Variants in ALDH1A2 observed in about 807,000 individuals in gnomAD.
ALDH1A2 encodes the protein retinal dehydrogenase 2.
A neutral mutation model predicts 60.3 loss-of-function variants in ALDH1A2; 27 were observed. The observed-to-expected ratio is 0.45, with a 90% CI of 0.33 to 0.62. The LOEUF (loss-of-function observed/expected upper bound fraction) is 0.62, where lower values mean the gene tolerates loss of function less well. Ranked by LOEUF, ALDH1A2 falls within the 20% of genes least tolerant of loss-of-function variation. ALDH1A2 has a pLI of 0.02. For missense variants in ALDH1A2, 581 were observed against 643.8 expected, an observed-to-expected ratio of 0.90 and a Z score of 1.06; for synonymous variants, 289 against 232.4, an observed-to-expected ratio of 1.24 and a Z score of -2.21.
intron 7 of ALDH1A2, among the ~76,000 whole-genome samples, chr15:57,970,808 T>A (rs1054141367): frequency 6.6e-6 from 1 of 152,232 alleles, no homozygotes; most frequent in Non-Finnish European, 1.5e-5. Context: ...TATCTTTTCA[T>A]AAATCCCAAA....
chr15:58,017,112 A>T (rs937706263), intron 1 of ALDH1A2, among the ~76,000 whole-genome samples: 36 of 152,294 alleles, frequency 2.4e-4, no homozygotes, highest in Non-Finnish European at 4.4e-4. Context: ...ATTCTGTCAG[A>T]CTTGAGAATC....
chr15:57,972,848 G>A (rs1417579305), intron 7 of ALDH1A2, among the ~76,000 whole-genome samples: 1 of 152,028 alleles, frequency 6.6e-6, no homozygotes, highest in African/African-American at 2.4e-5. Context: ...AGGCCTATTA[G>A]CTGTTTATAG....
chr15:58,017,917 T>C (rs1359627350), intron 1 of ALDH1A2, among the ~76,000 whole-genome samples: 1 of 152,178 alleles, frequency 6.6e-6, no homozygotes, highest in Non-Finnish European at 1.5e-5. Context: ...CATTATTATT[T>C]TTGTAGACCT....
intron 1 of ALDH1A2, among the ~76,000 whole-genome samples, chr15:58,049,727 G>A (rs530105769): frequency 6.6e-6 from 1 of 152,074 alleles, no homozygotes; most frequent in African/African-American, 2.4e-5. Context: ...ATGCAGGCTG[G>A]TTCAAACATG....
rs1413523842 is a variant in ALDH1A2 at position 57,954,725 on chromosome 15, G to A, written c.*472C>T. On this transcript the variant is annotated 3_prime_UTR_variant, in exon 13 of 13. Transcript: ENST00000249750. ...TTTGGCTTTACAACCTTGAAAAATT[G>A]TTCCCGGCCCAAACATCTGCCCCAG... 2 of 190,584 alleles carry A rather than the reference G, an allele frequency of 1.0e-5. No homozygotes were observed. The highest frequency in any genetic ancestry group is 2.2e-5 in the Non-Finnish European group (2 of 88,958). The allele number at this position is 190,584 out of a possible 1,614,324, so 11.8% of individuals were successfully genotyped here.
intron 1 of ALDH1A2, among the ~76,000 whole-genome samples, chr15:58,060,010 C>T (rs1303759308): frequency 6.6e-6 from 1 of 152,156 alleles, no homozygotes; most frequent in Admixed American, 6.5e-5. Flanking sequence ...GCAACCTCTG[C>T]CTCCTGGGTT....
chr15:57,991,733 T>A (rs1168590817), intron 7 of ALDH1A2: 2 of 152,246 alleles, frequency 1.3e-5, no homozygotes, highest in Admixed American at 6.5e-5. Context: ...TAATTTCACG[T>A]ATTTTTTAAT....
At chr15:58,006,944 G>T (rs925789516) in intron 4 of ALDH1A2, among the ~76,000 whole-genome samples, 2 of 150,354 alleles carry the variant, frequency 1.3e-5, no homozygotes, top group African/African-American at 4.9e-5. Context: ...TCACAATTTT[G>T]CTGTTTAAAA....
At chr15:57,956,136 T>C (rs1893517038) in intron 12 of ALDH1A2, among the ~76,000 whole-genome samples, 1 of 152,054 alleles carries the variant, frequency 6.6e-6, no homozygotes. Flanking sequence ...CTTTTTGCCT[T>C]CCACCAAACA....
In ALDH1A2 at chr15:58,058,738, G is replaced by T. The variant is rs957949561; in HGVS notation, c.117+6796C>A. On this transcript the variant is annotated intron_variant, in intron 1 of 12. Transcript: ENST00000249750. ...AGAAATACTACTTTGGCTCTCCAAA[G>T]GTCAGACAGTGATGAGGAAGGGAAA... Among the ~76,000 whole-genome samples the T allele has an allele frequency of 2.6e-5, 4 of 152,128 alleles. 1 individual carries two copies. The highest frequency in any genetic ancestry group is 9.7e-5 in the African/African-American group (4 of 41,418).
intron 1 of ALDH1A2, among the ~76,000 whole-genome samples, chr15:58,026,251 C>A (rs1210845227): frequency 6.6e-6 from 1 of 152,072 alleles, no homozygotes; most frequent in African/African-American, 2.4e-5. Flanking sequence ...GGATTTTTAC[C>A]AGGAATGCAA....
At chr15:57,977,092 C>T (rs866714216) in intron 7 of ALDH1A2, among the ~76,000 whole-genome samples, 10 of 126,140 alleles carry the variant, frequency 7.9e-5, no homozygotes, top group Admixed American at 3.1e-4. Flanking sequence ...GCCCACTTTT[C>T]GATGTTTTTT....
intron 7 of ALDH1A2, chr15:57,990,108 T>A (rs1411582244): frequency 6.6e-6 from 1 of 152,140 alleles, no homozygotes; most frequent in African/African-American, 2.4e-5. Flanking sequence ...AACAACTGTT[T>A]TAAAAAAATT....
intron 11 of ALDH1A2, 120 bp downstream of exon 11, chr15:57,961,017 T>TTTTCTGGTGAACTTTG: frequency 7.0e-7 from 1 of 1,433,742 alleles, no homozygotes; most frequent in Non-Finnish European, 9.7e-7. Context: ...AGTGTACCCC[T>TTTTCTGGTGAACTTTG]TTTCTGGTGA....
intron 7 of ALDH1A2, among the ~76,000 whole-genome samples, chr15:57,970,304 G>C (rs1305900133): frequency 6.6e-6 from 1 of 152,208 alleles, no homozygotes; most frequent in Non-Finnish European, 1.5e-5. Context: ...GAGCCTCTCA[G>C]CTCTGTGTAC....
intron 1 of ALDH1A2, among the ~76,000 whole-genome samples, chr15:58,031,712 C>T (rs1226857940): frequency 6.6e-6 from 1 of 152,158 alleles, no homozygotes; most frequent in Non-Finnish European, 1.5e-5. Context: ...ACAGACACTT[C>T]TCAAAAGAAG....
intron 7 of ALDH1A2, among the ~76,000 whole-genome samples, chr15:57,974,694 T>C (rs1430722858): frequency 6.6e-6 from 1 of 152,076 alleles, no homozygotes; most frequent in Non-Finnish European, 1.5e-5. Context: ...TATGAGAAAG[T>C]CTTTGTGATC....
At chr15:58,047,675 T>C (rs908103725) in intron 1 of ALDH1A2, among the ~76,000 whole-genome samples, 3 of 151,996 alleles carry the variant, frequency 2.0e-5, no homozygotes, top group African/African-American at 4.8e-5. Context: ...AGTCTACCTA[T>C]ACAGAGTAAA....
At position 57,960,176 on chromosome 15, in the gene ALDH1A2, C is replaced by T. The variant is rs35273706; in HGVS notation, c.1484+594G>A. ...TCAATGTTATTAGTTTTATTTACCCCAAAACATATTAAATGCCTTAAGGAC... is the reference window on the plus strand; with the variant it reads ...TCAATGTTATTAGTTTTATTTACCCTAAAACATATTAAATGCCTTAAGGAC... On this transcript the variant is annotated intron_variant, in intron 12 of 12. Transcript: ENST00000249750. Among the ~76,000 whole-genome samples the T allele has an allele frequency of 2.6e-5, 4 of 152,240 alleles. No homozygotes were observed. In the East Asian group the frequency reaches 7.7e-4, roughly 29 times the overall value.
Sources: gnomAD v4.1 joint callset for allele counts (sites outside exome capture counted in the v4.1 genomes callset) on GRCh38, gnomAD v4.1.1 for gene constraint, MANE v1.5 for transcripts, NCBI Gene and HGNC (gene_info 2026-07-23, HGNC 2026-07-21) for gene names.